Variants in MLC1 observed in about 807,000 individuals in gnomAD.
The protein encoded by MLC1 is modulator of VRAC current 1.
Under a neutral mutation model 44.7 loss-of-function variants are expected in MLC1, and 32 were observed. The ratio of observed to expected loss-of-function variants is 0.72; its 90% confidence interval spans 0.54 to 0.96. The LOEUF is 0.96. Ranked by LOEUF, MLC1 falls within the 40% of genes least tolerant of loss-of-function variation. MLC1 has a pLI of 0.00. For synonymous variants in MLC1, 190 were observed against 213.0 expected (o/e 0.89, Z 0.94); for missense variants, 459 against 492.2 (o/e 0.93, Z 0.64).
At chr22:50,067,618 CATCA>C in intron 10 of MLC1, among the ~76,000 whole-genome samples, 1 of 73,148 alleles carries the variant, frequency 1.4e-5, no homozygotes, top group Non-Finnish European at 2.5e-5. Context: ...CTCCATCCCC[CATCA>C]GTGACTCCAT....
chr22:50,064,073 C>T lies in MLC1; in HGVS notation c.1020G>A (p.Trp340Ter). 1 of 1,601,448 alleles carries T rather than the reference C, an allele frequency of 6.2e-7. No individual in the cohort carries two copies. The highest frequency in any genetic ancestry group is 8.5e-7 in the Non-Finnish European group (1 of 1,176,270). ...KVSARLQGAS[W>*]DTQNGPQERL... ...GCTCCTGCGGGCCGTTCTGGGTGTC[C>T]CAGGATGCACCCTGCAGCCTTGCAC... Residue 340 changes from tryptophan to a stop codon, truncating the protein, a stop_gained, in exon 11 of 12, where the codon TGG becomes TGA. Coordinates refer to ENST00000311597, the MANE Select transcript of MLC1 (RefSeq NM_015166.4). LOFTEE classifies it high-confidence loss of function.
At position 50,078,488 on chromosome 22, in the gene MLC1, C is replaced by T. The variant is rs181892989; in HGVS notation, c.424-986G>A. On this transcript the variant is annotated intron_variant, in intron 5 of 11. Coordinates refer to ENST00000311597, the MANE Select transcript of MLC1 (RefSeq NM_015166.4). Reference sequence around the variant, plus strand: ...GGGAGGCGGCTCACGCCTGTGATCCCAGCACTTTGGGGGACCGAGGCGGTT... The same window carrying T: ...GGGAGGCGGCTCACGCCTGTGATCCTAGCACTTTGGGGGACCGAGGCGGTT... Among the ~76,000 whole-genome samples the T allele has an allele frequency of 4.4e-3, 665 of 151,716 alleles. 7 individuals are homozygous for T. Among genetic ancestry groups the T allele is most frequent in the African/African-American group, 0.015 (620 of 41,462 alleles).
intron 5 of MLC1, 44 bp downstream of exon 5, chr22:50,079,874 G>A (rs745482212): frequency 5.2e-6 from 7 of 1,336,810 alleles, no homozygotes; most frequent in Non-Finnish European, 7.5e-6. Flanking sequence ...GTGGGAGTGG[G>A]GCTGTGGGTG....
chr22:50,084,744 G>A lies in MLC1; in HGVS notation c.159C>T (p.Val53=). ...TACTCACCCCCATCAGCACAGAGAA[G>A]ACCCACGTCTTGTGGCTGAAGCAGG... ...LPPCFSHKTW[V]FSVLMGSCLL... The change falls in exon 2 of 12, where the codon GTC becomes GTT. Residue 53 remains valine (V), a synonymous_variant. Transcript: ENST00000311597. 6.2e-7 allele frequency: 1 copy of A among 1,614,138 alleles called. No individual in the cohort carries two copies. Among genetic ancestry groups the A allele is most frequent in the African/African-American group, 1.3e-5 (1 of 75,068 alleles).
Position 50,074,085 on chromosome 22 carries a change from T to G in MLC1, c.714+131A>C, listed in dbSNP as rs2272832. The G allele has an allele frequency of 0.59, 429,133 of 723,702 alleles. 130,248 individuals carry two copies. The highest frequency in any genetic ancestry group is 0.77 in the African/African-American group (44,250 of 57,374). The allele number at this position is 723,702 out of a possible 1,614,324, so 44.8% of individuals were successfully genotyped here. ...CTTAACTCCCCAGTTCTTCTGAAGT[T>G]GGGGGCCAGCGAGGACCCTCTGTGG... is the stretch of plus-strand genomic sequence containing the variant. On this transcript the variant is annotated intron_variant, in intron 8 of 11. Coordinates refer to ENST00000311597, the MANE Select transcript of MLC1 (RefSeq NM_015166.4).
At chr22:50,077,018 A>T in intron 6 of MLC1, 106 bp from the exon 7 acceptor site, 1 of 1,220,720 alleles carries the variant, frequency 8.2e-7, no homozygotes, top group Non-Finnish European at 1.2e-6. Context: ...CCTGCCGTGT[A>T]GATGCGAGAC....
intron 4 of MLC1, 70 bp downstream of exon 4, chr22:50,080,274 A>G: frequency 6.6e-7 from 1 of 1,517,366 alleles, no homozygotes. Context: ...ACACAAGCAC[A>G]CATGGGCACA....
intron 5 of MLC1, 71 bp downstream of exon 5, chr22:50,079,847 A>C (rs528306405): frequency 8.8e-7 from 1 of 1,136,512 alleles, no homozygotes; most frequent in East Asian, 2.3e-5. Context: ...CTCAACAAAC[A>C]TTTGCTGACA....
intron 3 of MLC1, among the ~76,000 whole-genome samples, chr22:50,082,009 C>T (rs7284235): frequency 2.6e-5 from 4 of 152,230 alleles, no homozygotes; most frequent in African/African-American, 9.6e-5. Flanking sequence ...CAGGACAGCA[C>T]GGGGCGGGGC....
At position 50,079,939 on chromosome 22, in the gene MLC1, G is replaced by A. The variant is rs1569250003; in HGVS notation, c.402C>T (p.Val134=). The A allele has an allele frequency of 1.2e-6, 2 of 1,613,504 alleles. No homozygotes were observed. Among genetic ancestry groups the A allele is most frequent in the South Asian group, 1.1e-5 (1 of 91,068 alleles). Reference sequence around the variant, plus strand: ...TCACGTTTATTGCTGATGGGTTCAGGACTAGTTTGCATCCAAACCAAATTA... The same window carrying A: ...TCACGTTTATTGCTGATGGGTTCAGAACTAGTTTGCATCCAAACCAAATTA... ...TCLIWFGCKL[V]LNPSAININF... is the part of the protein sequence containing the mutation. The change falls in exon 5 of 12, where the codon GTC becomes GTT. Residue 134 remains valine (V), a synonymous_variant. Coordinates refer to ENST00000311597, the MANE Select transcript of MLC1 (RefSeq NM_015166.4).
chr22:50,074,484 G>T, intron 7 of MLC1, 152 bp from the exon 8 acceptor site: 1 of 705,148 alleles, frequency 1.4e-6, no homozygotes, highest in Non-Finnish European at 2.5e-6. Flanking sequence ...TGGACCCCCA[G>T]CCTCACCTGG....
intron 10 of MLC1, 47 bp from the exon 11 acceptor site, chr22:50,064,245 GC>G: frequency 6.4e-7 from 1 of 1,552,626 alleles, no homozygotes; most frequent in Non-Finnish European, 8.7e-7. Context: ...CCGCCCTCCA[GC>G]CCAGGAGACC....
intron 7 of MLC1, among the ~76,000 whole-genome samples, chr22:50,074,916 A>T (rs764567286): frequency 6.6e-6 from 1 of 152,254 alleles, no homozygotes; most frequent in Admixed American, 6.5e-5. Flanking sequence ...GGGTATAAAT[A>T]GGAGGCAGAG....
Position 50,061,367 on chromosome 22 carries a change from C to G in MLC1, c.*216G>C, listed in dbSNP as rs2061556314. 1 of 602,318 alleles carries G rather than the reference C, an allele frequency of 1.7e-6. No individual in the cohort carries two copies. The highest frequency in any genetic ancestry group is 1.8e-5 in the African/African-American group (1 of 54,080). 37.3% of individuals were successfully genotyped at this position (602,318 alleles called of 1,614,324 possible). A position where few individuals can be genotyped will look rare whatever the true frequency, so the allele number is the denominator to read the frequency against. The stretch of plus-strand genomic sequence containing the variant: ...CTGCTGTTACGACACGGGAGCCACT[C>G]GGAGCTGACTGATCTCACTGAGGCA... On this transcript the variant is annotated 3_prime_UTR_variant, in exon 12 of 12. Transcript: ENST00000311597.
intron 5 of MLC1, 66 bp downstream of exon 5, chr22:50,079,852 C>T: frequency 8.6e-7 from 1 of 1,157,720 alleles, no homozygotes; most frequent in Non-Finnish European, 1.3e-6. Flanking sequence ...CAAACATTTG[C>T]TGACACCATT....
At chr22:50,068,403 T>C (rs767832053) in intron 10 of MLC1, 30 bp downstream of exon 10, 2 of 1,610,770 alleles carry the variant, frequency 1.2e-6, no homozygotes, top group African/African-American at 1.3e-5. Flanking sequence ...ACCACATGTC[T>C]GGGGGGCTCT....
chr22:50,079,739 G>A (rs1019195247), intron 5 of MLC1, among the ~76,000 whole-genome samples, 179 bp downstream of exon 5: 2 of 152,050 alleles, frequency 1.3e-5, no homozygotes, highest in African/African-American at 2.4e-5. Flanking sequence ...GCAGAATCAC[G>A]AGACTTCAAT....
At chr22:50,068,725 CTTTTT>C (rs765426637) in intron 9 of MLC1, among the ~76,000 whole-genome samples, 170 bp from the exon 10 acceptor site, 21 of 105,240 alleles carry the variant, frequency 2.0e-4, no homozygotes, top group South Asian at 3.5e-4. Context: ...TTTTCTTTTT[CTTTTT>C]TTTTTTTTTT....
rs201417187 is a variant in MLC1, at chr22:50,064,067, G to A, written c.1026C>T (p.Thr342=). ...CCAGGCGCTCCTGCGGGCCGTTCTGGGTGTCCCAGGATGCACCCTGCAGCC... is the reference window on the plus strand; with the variant it reads ...CCAGGCGCTCCTGCGGGCCGTTCTGAGTGTCCCAGGATGCACCCTGCAGCC... ...SARLQGASWD[T]QNGPQERLAG... The change falls in exon 11 of 12, where the codon ACC becomes ACT. Residue 342 remains threonine (T), a synonymous_variant. Coordinates refer to ENST00000311597, the MANE Select transcript of MLC1 (RefSeq NM_015166.4). 2 of 1,567,858 alleles carry A rather than the reference G, an allele frequency of 1.3e-6. No homozygotes were observed. Among genetic ancestry groups the A allele is most frequent in the Middle Eastern group, 1.8e-4 (1 of 5,644 alleles).
Sources: allele counts gnomAD v4.1 joint callset (sites outside exome capture counted in the v4.1 genomes callset), GRCh38; gene constraint gnomAD v4.1.1; transcripts MANE v1.5; gene names NCBI Gene and HGNC (gene_info 2026-07-23, HGNC 2026-07-21).